TENM3: variants seen among roughly 807,000 people sequenced by gnomAD.
The protein encoded by TENM3 is teneurin-3.
Under a neutral mutation model 255.1 loss-of-function variants are expected in TENM3, and 63 were observed. The ratio of observed to expected loss-of-function variants is 0.25; its 90% CI spans 0.20 to 0.30. The LOEUF is 0.30. Ranked by LOEUF, TENM3 falls within the 10% of genes least tolerant of loss-of-function variation. TENM3 has a pLI of 1.00. For synonymous variants in TENM3, 1,306 were observed against 1,322.3 expected (o/e 0.99, Z 0.27); for missense variants, 2,929 against 3,461.1 (o/e 0.85, Z 3.86).
intron 3 of TENM3, among the ~76,000 whole-genome samples, chr4:182,501,134 A>C (rs2151649547): frequency 6.6e-6 from 1 of 152,304 alleles, no homozygotes; most frequent in Admixed American, 6.5e-5. Flanking sequence ...AAATTCTAGA[A>C]AAAGTTATAT....
the TENM3 span, among the ~76,000 whole-genome samples, chr4:181,958,772 C>G: frequency 2.6e-5 from 4 of 152,062 alleles, no homozygotes; most frequent in African/African-American, 9.7e-5. Context: ...ATTGTAGAAG[C>G]CAGTGACAGT....
chr4:182,283,141 A>G (rs2150283579), intron 1 of TENM3, among the ~76,000 whole-genome samples: 1 of 152,278 alleles, frequency 6.6e-6, no homozygotes, highest in Middle Eastern at 3.4e-3. Flanking sequence ...CTTCAACGTA[A>G]ATAATAGTAA....
chr4:182,446,886 C>T (rs1461408131), intron 3 of TENM3, among the ~76,000 whole-genome samples: 2 of 151,900 alleles, frequency 1.3e-5, no homozygotes, highest in Non-Finnish European at 2.9e-5. Context: ...CAGGTGACCC[C>T]CCACCCCCCT....
At position 182,793,824 on chromosome 4, in the gene TENM3, G is replaced by A; in HGVS notation, c.7152G>A (p.Leu2384=). Residue 2384 remains leucine, a synonymous_variant, in exon 26 of 28, where the codon TTG becomes TTA. Coordinates refer to ENST00000511685, the MANE Select transcript of TENM3 (RefSeq NM_001080477.4). This position sits in a 1 kb window ranked among gnomAD's most constrained non-coding sequence, Gnocchi z 5.7. The part of the protein sequence containing the change: ...RIGKDPAPFN[L]YMFRNNNPAS... The stretch of plus-strand genomic sequence containing the variant: ...GGAAGGACCCAGCTCCTTTTAACTT[G>A]TACATGTTTAGGAATAACAACCCTG... 6.2e-7 allele frequency: 1 copy of A among 1,613,782 alleles called. No individual in the cohort carries two copies. Among genetic ancestry groups the A allele is most frequent in the Non-Finnish European group, 8.5e-7 (1 of 1,179,824 alleles).
At chr4:181,825,742 A>G in the TENM3 span, among the ~76,000 whole-genome samples, 2 of 152,302 alleles carry the variant, frequency 1.3e-5, no homozygotes, top group African/African-American at 4.8e-5. Context: ...AAATATTCCT[A>G]TTTTTTACAT....
At chr4:182,421,944 C>G (rs1770869833) in intron 3 of TENM3, among the ~76,000 whole-genome samples, 1 of 152,108 alleles carries the variant, frequency 6.6e-6, no homozygotes, top group South Asian at 2.1e-4. Flanking sequence ...CCGGGGCCAG[C>G]TTTGCAACTT....
chr4:182,183,355 C>T (rs186998040), intron 1 of TENM3, among the ~76,000 whole-genome samples: 1 of 152,178 alleles, frequency 6.6e-6, no homozygotes, highest in Admixed American at 6.5e-5. Flanking sequence ...ACTGTTTAAC[C>T]AGTTATTTAA....
chr4:181,760,056 A>G, the TENM3 span, among the ~76,000 whole-genome samples: 1 of 152,114 alleles, frequency 6.6e-6, no homozygotes, highest in Non-Finnish European at 1.5e-5. Context: ...CTCTTATTCC[A>G]TGAAAAAATA....
At chr4:181,814,790 G>A in the TENM3 span, among the ~76,000 whole-genome samples, 1 of 152,010 alleles carries the variant, frequency 6.6e-6, no homozygotes, top group Non-Finnish European at 1.5e-5. Context: ...CAAACATTTG[G>A]GACTAGCAAC....
the TENM3 span, among the ~76,000 whole-genome samples, chr4:181,461,055 T>C: frequency 6.6e-6 from 1 of 152,126 alleles, no homozygotes; most frequent in African/African-American, 2.4e-5. Context: ...ATGCTGATAA[T>C]GAATTCTTTC....
the TENM3 span, among the ~76,000 whole-genome samples, chr4:181,553,910 C>G: frequency 6.6e-6 from 1 of 152,070 alleles, no homozygotes; most frequent in African/African-American, 2.4e-5. Flanking sequence ...CCTGCTCCAT[C>G]CCCCCGCTCT....
the TENM3 span, among the ~76,000 whole-genome samples, chr4:181,703,016 G>A: frequency 6.6e-6 from 1 of 152,156 alleles, no homozygotes; most frequent in Non-Finnish European, 1.5e-5. Flanking sequence ...AGATAAGGTA[G>A]GCGAAATCAT....
chr4:182,346,631 C>T lies in TENM3; in HGVS notation c.233-20C>T, dbSNP rs1238461447. On this transcript the variant is annotated intron_variant, in intron 2 of 27. Transcript: ENST00000511685. ...TGAACATATACTCACTAGTTGTTAT[C>T]TTTTTTTCCCCCTAATTAGGACAGA... 6.2e-7 allele frequency: 1 copy of T among 1,603,414 alleles called. No homozygotes were observed. The highest frequency in any genetic ancestry group is 8.5e-7 in the Non-Finnish European group (1 of 1,172,328).
At chr4:182,049,809 C>T in the TENM3 span, among the ~76,000 whole-genome samples, 2 of 152,068 alleles carry the variant, frequency 1.3e-5, no homozygotes, top group African/African-American at 4.8e-5. Flanking sequence ...TGTGGCTATA[C>T]ACAAATATCT....
chr4:182,303,955 C>T (rs940724075), intron 1 of TENM3, among the ~76,000 whole-genome samples: 3 of 151,920 alleles, frequency 2.0e-5, no homozygotes, highest in Admixed American at 6.6e-5. Context: ...TCCTGCTCAA[C>T]GATTATTTTT....
the TENM3 span, among the ~76,000 whole-genome samples, chr4:182,126,739 A>G: frequency 6.6e-6 from 1 of 152,112 alleles, no homozygotes; most frequent in Non-Finnish European, 1.5e-5. Context: ...CCACGAAAAG[A>G]GTTGAAGTGA....
the TENM3 span, among the ~76,000 whole-genome samples, chr4:181,601,904 C>T: frequency 6.6e-6 from 1 of 152,100 alleles, no homozygotes; most frequent in East Asian, 1.9e-4. Context: ...TAGAAACATC[C>T]TTCCAATTTC....
intron 3 of TENM3, among the ~76,000 whole-genome samples, chr4:182,378,532 G>A (rs1200984892): frequency 6.6e-6 from 1 of 152,110 alleles, no homozygotes; most frequent in Non-Finnish European, 1.5e-5. Flanking sequence ...GAACAAGTTA[G>A]ATAACATAGC....
the TENM3 span, among the ~76,000 whole-genome samples, chr4:181,951,178 T>C: frequency 3.9e-5 from 6 of 152,230 alleles, no homozygotes; most frequent in African/African-American, 1.4e-4. Flanking sequence ...TAAAAATATC[T>C]TTTGCACTCA....
Sources: gnomAD v4.1 joint callset for allele counts (sites outside exome capture counted in the v4.1 genomes callset) on GRCh38, gnomAD v4.1.1 for gene constraint, Gnocchi (gnomAD v3.1) non-coding constraint, MANE v1.5 for transcripts, NCBI Gene and HGNC (gene_info 2026-07-23, HGNC 2026-07-21) for gene names.